The following CDHR2 variants were observed in gnomAD, a reference collection of about 807,000 sequenced individuals.
CDHR2 encodes cadherin related family member 2.
A neutral mutation model predicts 138.6 loss-of-function variants in CDHR2; 104 were observed. The observed-to-expected ratio is 0.75, with a 90% CI of 0.64 to 0.88. The LOEUF (loss-of-function observed/expected upper bound fraction) is 0.88. Ranked by LOEUF, CDHR2 falls within the 40% of genes least tolerant of loss-of-function variation. The pLI is 0.00. For missense variants in CDHR2, 1,624 were observed against 1,727.6 expected, an observed-to-expected ratio of 0.94 and a Z score of 1.06; for synonymous variants, 755 against 742.8, an observed-to-expected ratio of 1.02 and a Z score of -0.27.
chr5:176,579,064 A>G (rs562111602), intron 16 of CDHR2, among the ~76,000 whole-genome samples: 5 of 152,366 alleles, frequency 3.3e-5, no homozygotes, highest in Admixed American at 2.6e-4. Flanking sequence ...TGGTGGCCAA[A>G]GCAAAAAAGG....
chr5:176,562,954 G>A (rs145682340), intron 1 of CDHR2, among the ~76,000 whole-genome samples: 2,489 of 152,278 alleles, frequency 0.016, 64 homozygotes, highest in African/African-American at 0.056. Flanking sequence ...GACATGGAAG[G>A]TGCATGAGTA....
chr5:176,578,542 C>T lies in CDHR2; in HGVS notation c.1752C>T (p.Pro584=), dbSNP rs116819030. 60 of 1,614,146 alleles carry T rather than the reference C, an allele frequency of 3.7e-5. No individual in the cohort carries two copies. The highest frequency in any genetic ancestry group is 1.2e-4 in the African/African-American group (9 of 75,038). Residue 584 remains proline, a synonymous_variant, in exon 16 of 32, where the codon CCC becomes CCT. Coordinates refer to ENST00000261944, the MANE Select transcript of CDHR2 (RefSeq NM_017675.6). ...TGCTGGACATCAACGACAATGCACC[C>T]GTGGTTAGCGGCTCCTACAACATCT... The part of the protein sequence containing the change: ...IHLLDINDNA[P]VVSGSYNIFV...
chr5:176,585,026 C>T lies in CDHR2; in HGVS notation c.2734+11C>T. ...CCTACAGCAACAATGGTAAGGCAGCCTGTCCTTGCAGGGCTTGGCAGGCCA... is the reference window on the plus strand; with the variant it reads ...CCTACAGCAACAATGGTAAGGCAGCTTGTCCTTGCAGGGCTTGGCAGGCCA... On this transcript the variant is annotated intron_variant, in intron 19 of 31. Coordinates refer to ENST00000261944, the MANE Select transcript of CDHR2 (RefSeq NM_017675.6). 6.5e-7 allele frequency: 1 copy of T among 1,537,894 alleles called. No individual in the cohort carries two copies. The highest frequency in any genetic ancestry group is 1.2e-5 in the South Asian group (1 of 83,704).
intron 16 of CDHR2, among the ~76,000 whole-genome samples, chr5:176,578,960 T>C (rs531845913): frequency 6.6e-5 from 10 of 152,040 alleles, no homozygotes; most frequent in African/African-American, 2.4e-4. Context: ...AAAGAGAAAA[T>C]AAAGGTGGCA....
In CDHR2 at chr5:176,551,868, ATATT is replaced by A. The variant is rs1561864438; in HGVS notation, c.-16+2456_-16+2459del. ...AGGCGCCCGCCACCACGCCTGGCTA[ATATT>A]TTTTTTTTTTTTGGGGAACTTTTAG... On this transcript the variant is annotated intron_variant, in intron 1 of 31. Coordinates refer to ENST00000261944, the MANE Select transcript of CDHR2 (RefSeq NM_017675.6). Among the ~76,000 whole-genome samples, 13 of 15,198 alleles carry A rather than the reference ATATT, an allele frequency of 8.6e-4. No homozygotes were observed. In the Non-Finnish European group the frequency reaches 0.03, roughly 35 times the overall value. 10.0% of individuals were successfully genotyped at this position (15,198 alleles called of 152,430 possible). A position where few individuals can be genotyped will look rare whatever the true frequency, so the allele number is the denominator to read the frequency against.
chr5:176,560,758 C>T (rs1457802916), intron 1 of CDHR2, among the ~76,000 whole-genome samples: 5 of 152,334 alleles, frequency 3.3e-5, no homozygotes, highest in African/African-American at 1.2e-4. Flanking sequence ...AATGAATGAG[C>T]GAATCAGGGT....
chr5:176,593,108 C>T (rs995354095), intron 31 of CDHR2, among the ~76,000 whole-genome samples: 7 of 152,236 alleles, frequency 4.6e-5, no homozygotes, highest in African/African-American at 1.7e-4. Flanking sequence ...CACCAATCTG[C>T]TTCCAGCCCT....
chr5:176,560,713 C>T (rs754886298), intron 1 of CDHR2, among the ~76,000 whole-genome samples: 9 of 152,214 alleles, frequency 5.9e-5, no homozygotes, highest in East Asian at 3.9e-4. Context: ...TGGCAGATAG[C>T]GGCTCATGGA....
rs1005144604 is a variant in CDHR2, at chr5:176,590,505, G to A, written c.3414+20G>A. On this transcript the variant is annotated intron_variant, in intron 27 of 31. Coordinates refer to ENST00000261944, the MANE Select transcript of CDHR2 (RefSeq NM_017675.6). ...GTGCTGGTGAGTGCGGGCAGGGCGG[G>A]GCAGCAGGTGGGGCTGCTGAAGACG... 2 of 1,613,890 alleles carry A rather than the reference G, an allele frequency of 1.2e-6. No homozygotes were observed. The highest frequency in any genetic ancestry group is 2.7e-5 in the African/African-American group (2 of 74,914).
At chr5:176,561,321 A>T (rs563695689) in intron 1 of CDHR2, among the ~76,000 whole-genome samples, 2 of 151,880 alleles carry the variant, frequency 1.3e-5, no homozygotes, top group Non-Finnish European at 2.9e-5. Flanking sequence ...GCTCTATCTC[A>T]TGGGTGTTCT....
rs1320557387 is a variant in CDHR2, at chr5:176,589,164, T to A, written c.2990T>A (p.Val997Glu). ...ATCTTCACCTCCTCCGAGGCCGACG[T>A]GTTCGCTGGGAGCATTCAGTAACTG... ...FSIFTSSEAD[V>E]FAGSIQPVTS... Residue 997 changes from valine (V) to glutamate (E), a missense_variant, in exon 22 of 32, where the codon GTG becomes GAG. Physicochemically the swap from Val to Glu is moderately radical, Grantham distance 121 (BLOSUM62 -2). Transcript: ENST00000261944. The A allele has an allele frequency of 1.9e-6, 3 of 1,614,136 alleles. No homozygotes were observed. Among genetic ancestry groups the A allele is most frequent in the Non-Finnish European group, 2.5e-6 (3 of 1,179,992 alleles).
At chr5:176,573,515 T>C (rs1581139850) in intron 6 of CDHR2, among the ~76,000 whole-genome samples, 1 of 151,200 alleles carries the variant, frequency 6.6e-6, no homozygotes, top group African/African-American at 2.4e-5. Context: ...GGCATGGTGG[T>C]GGGCGCCTAT....
At chr5:176,544,725 A>G (rs957435696), upstream of CDHR2, among the ~76,000 whole-genome samples, 4 of 152,266 alleles carry the variant, frequency 2.6e-5, no homozygotes, top group Non-Finnish European at 5.9e-5. Flanking sequence ...GGCGTGAGCT[A>G]CCGCGCCCAG....
At chr5:176,585,490 A>G (rs72809133) in intron 19 of CDHR2, among the ~76,000 whole-genome samples, 42,052 of 152,120 alleles carry the variant, frequency 0.28, 5,859 homozygotes, top group East Asian at 0.33. Context: ...GGTGTTCCCT[A>G]TCCAATTTTA....
chr5:176,588,400 C>T (rs1331224665), intron 21 of CDHR2, among the ~76,000 whole-genome samples: 1 of 97,988 alleles, frequency 1.0e-5, no homozygotes, highest in Non-Finnish European at 2.3e-5. Context: ...GTGGTGAGTG[C>T]ATGAGAGAGT....
intron 27 of CDHR2, 25 bp from the exon 28 acceptor site, chr5:176,590,538 T>C: frequency 6.2e-7 from 1 of 1,613,992 alleles, no homozygotes; most frequent in Non-Finnish European, 8.5e-7. Context: ...ACGAGTGTGC[T>C]TCCCTCACAC....
rs764236286 is a variant in CDHR2, at chr5:176,575,268, A to G, written c.622-12A>G. 21 of 1,613,980 alleles carry G rather than the reference A, an allele frequency of 1.3e-5. No homozygotes were observed. In the Admixed American group the frequency reaches 3.3e-4, roughly 26 times the overall value. On this transcript the variant is annotated splice_polypyrimidine_tract_variant and intron_variant, in intron 8 of 31. Transcript: ENST00000261944. ...CCACGGCGCTGGCTCACGGGTGGCC[A>G]TCTCCCCGCAGGACTTGGGCGGCAT...
Position 176,590,476 on chromosome 5 carries a change from G to A in CDHR2, c.3405G>A (p.Leu1135=), listed in dbSNP as rs1561882332. 3.7e-6 allele frequency: 6 copies of A among 1,613,918 alleles called. No individual in the cohort carries two copies. The highest frequency in any genetic ancestry group is 5.1e-6 in the Non-Finnish European group (6 of 1,179,878). ...TGACGCAGCTGCTGCAGCTGGGGCTGGTGGTGCTGGTGAGTGCGGGCAGGG... is the reference window on the plus strand; with the variant it reads ...TGACGCAGCTGCTGCAGCTGGGGCTAGTGGTGCTGGTGAGTGCGGGCAGGG... ...DSLTQLLQLG[L]VVLGSQESQE... Residue 1135 remains leucine (L), a synonymous_variant, in exon 27 of 32, where the codon CTG becomes CTA. Transcript: ENST00000261944.
intron 16 of CDHR2, among the ~76,000 whole-genome samples, chr5:176,580,134 TCA>T (rs1292570555): frequency 6.6e-6 from 1 of 151,224 alleles, no homozygotes; most frequent in Admixed American, 6.6e-5. Context: ...ACGCACGCAC[TCA>T]CACACGCACT....
Sources: allele counts gnomAD v4.1 joint callset (sites outside exome capture counted in the v4.1 genomes callset), GRCh38; gene constraint gnomAD v4.1.1; transcripts MANE v1.5; gene names NCBI Gene and HGNC (gene_info 2026-07-23, HGNC 2026-07-21).